The following DCTN4 variants were observed in gnomAD, a reference collection of about 807,000 sequenced individuals.
DCTN4 encodes the protein dynactin 4 (p62).
A neutral mutation model predicts 62.7 loss-of-function variants in DCTN4; 23 were observed. The ratio of observed to expected loss-of-function variants is 0.37; its 90% confidence interval spans 0.26 to 0.52. The LOEUF is 0.52. Among genes scored for constraint, DCTN4 ranks in the 20% least tolerant of loss-of-function variants. DCTN4 has a pLI of 0.92. For missense variants in DCTN4, 514 were observed against 580.4 expected, an observed-to-expected ratio of 0.89 and a Z score of 1.18; for synonymous variants, 199 against 202.1, an observed-to-expected ratio of 0.98 and a Z score of 0.13.
intron 12 of DCTN4, among the ~76,000 whole-genome samples, chr5:150,714,077 CA>C (rs1759669575): frequency 6.6e-6 from 1 of 152,096 alleles, no homozygotes; most frequent in Admixed American, 6.5e-5. Context: ...GAGATCACGC[CA>C]TTGCACTCCA....
At chr5:150,720,861 A>G (rs1759933749) in intron 9 of DCTN4, among the ~76,000 whole-genome samples, 2 of 152,236 alleles carry the variant, frequency 1.3e-5, no homozygotes, top group Non-Finnish European at 2.9e-5. Context: ...AGCTTAAGAA[A>G]TTGATGCTAA....
chr5:150,744,860 G>C (rs1561706234), intron 3 of DCTN4, among the ~76,000 whole-genome samples: 1 of 151,808 alleles, frequency 6.6e-6, no homozygotes. Context: ...AGACCATCGA[G>C]ACTAGGAAGA....
At chr5:150,713,842 C>T (rs1469626284) in intron 12 of DCTN4, among the ~76,000 whole-genome samples, 1 of 152,068 alleles carries the variant, frequency 6.6e-6, no homozygotes, top group Non-Finnish European at 1.5e-5. Flanking sequence ...ATGGGCCAGG[C>T]ATGGTGGCTC....
chr5:150,752,109 T>A (rs1305288723), intron 3 of DCTN4, among the ~76,000 whole-genome samples: 1 of 151,932 alleles, frequency 6.6e-6, no homozygotes, highest in African/African-American at 2.4e-5. Flanking sequence ...GAAAAAAAAA[T>A]ACGGAGTTAG....
At chr5:150,752,787 G>A (rs949701751) in intron 3 of DCTN4, among the ~76,000 whole-genome samples, 11 of 151,852 alleles carry the variant, frequency 7.2e-5, no homozygotes, top group African/African-American at 1.9e-4. Context: ...ACTTATAAGC[G>A]TTCCTCATTT....
rs10068444 is a variant in DCTN4 at position 150,743,992 on chromosome 5, G to A, written c.386-1835C>T. Among the ~76,000 whole-genome samples, 526 of 152,284 alleles carry A rather than the reference G, an allele frequency of 3.5e-3. 2 individuals carry two copies. Among genetic ancestry groups the A allele is most frequent in the African/African-American group, 9.0e-3 (372 of 41,552 alleles). On this transcript the variant is annotated intron_variant, in intron 3 of 12. Coordinates refer to ENST00000447998, the MANE Select transcript of DCTN4 (RefSeq NM_016221.4). The stretch of plus-strand genomic sequence containing the variant: ...AGGCTTCAGACAATCAAACTACTCC[G>A]AGCTACAGGAGGAAATTCGAACCAA...
chr5:150,722,527 T>C (rs1759990639), intron 9 of DCTN4, among the ~76,000 whole-genome samples: 3 of 152,202 alleles, frequency 2.0e-5, no homozygotes. Flanking sequence ...GTAAGTAAAA[T>C]GAACACTGTT....
At chr5:150,716,229 G>A (rs1210513115) in intron 11 of DCTN4, among the ~76,000 whole-genome samples, 1 of 152,250 alleles carries the variant, frequency 6.6e-6, no homozygotes, top group East Asian at 1.9e-4. Context: ...TTAAGGGGAT[G>A]GGGAGAAATG....
rs769937114 is a variant in DCTN4, at chr5:150,759,007, G to A, written c.-14C>T. ...CAAGGACGCCATCTTGGGGAGGGAG[G>A]AGGCGATGACGCTCCCGGCGCATCA... On this transcript the variant is annotated 5_prime_UTR_variant, in exon 1 of 13. Transcript: ENST00000447998. 4 of 1,612,770 alleles carry A rather than the reference G, an allele frequency of 2.5e-6. No homozygotes were observed. The South Asian group carries it at 3.3e-5, about 13-fold the overall frequency.
intron 3 of DCTN4, among the ~76,000 whole-genome samples, chr5:150,749,430 G>C (rs1291294693): frequency 6.6e-6 from 1 of 152,168 alleles, no homozygotes; most frequent in Non-Finnish European, 1.5e-5. Flanking sequence ...GCTAAAATGG[G>C]TAAGACTGAC....
intron 4 of DCTN4, among the ~76,000 whole-genome samples, chr5:150,735,328 C>T (rs59767212): frequency 0.13 from 20,320 of 152,256 alleles, 2,321 homozygotes; most frequent in African/African-American, 0.3. Flanking sequence ...AGTCTGTCCA[C>T]GTGACAATTC....
intron 9 of DCTN4, among the ~76,000 whole-genome samples, chr5:150,721,099 C>T (rs191568879): frequency 4.1e-4 from 62 of 152,232 alleles, no homozygotes; most frequent in African/African-American, 1.4e-3. Flanking sequence ...ATTTCAGAGA[C>T]GAGGGAAGTA....
intron 4 of DCTN4, among the ~76,000 whole-genome samples, chr5:150,738,172 C>G (rs974909702): frequency 6.6e-6 from 1 of 152,094 alleles, no homozygotes; most frequent in Non-Finnish European, 1.5e-5. Context: ...GGATTCACAG[C>G]TGATTTCTAT....
intron 3 of DCTN4, among the ~76,000 whole-genome samples, chr5:150,744,646 AAAGAC>A (rs1259339494): frequency 2.6e-5 from 4 of 151,734 alleles, no homozygotes; most frequent in African/African-American, 9.7e-5. Flanking sequence ...CAACATTCTT[AAAGAC>A]AAGAATTTTC....
intron 4 of DCTN4, among the ~76,000 whole-genome samples, chr5:150,735,478 G>A (rs1760543017): frequency 2.0e-5 from 3 of 152,164 alleles, no homozygotes; most frequent in African/African-American, 7.2e-5. Flanking sequence ...ACCTGAAGAC[G>A]GACTGCATCA....
At chr5:150,744,479 A>T (rs1194318522) in intron 3 of DCTN4, among the ~76,000 whole-genome samples, 1 of 152,192 alleles carries the variant, frequency 6.6e-6, no homozygotes, top group Non-Finnish European at 1.5e-5. Context: ...ACTCCAAGAC[A>T]CATAATTGTC....
At chr5:150,746,842 G>C (rs1440562414) in intron 3 of DCTN4, among the ~76,000 whole-genome samples, 1 of 152,150 alleles carries the variant, frequency 6.6e-6, no homozygotes, top group Non-Finnish European at 1.5e-5. Flanking sequence ...ATACTGAATG[G>C]GCAAAAACTG....
intron 1 of DCTN4, 112 bp from the exon 2 acceptor site, chr5:150,756,599 G>T: frequency 1.9e-6 from 1 of 521,476 alleles, no homozygotes; most frequent in Non-Finnish European, 3.2e-6. Flanking sequence ...GCAGAAAGTA[G>T]ACTGTTTTCT....
At chr5:150,748,425 T>A (rs948953886) in intron 3 of DCTN4, among the ~76,000 whole-genome samples, 1 of 152,142 alleles carries the variant, frequency 6.6e-6, no homozygotes, top group African/African-American at 2.4e-5. Context: ...GACCCAGCCA[T>A]CCCATTACTG....
Sources: allele counts gnomAD v4.1 joint callset (sites outside exome capture counted in the v4.1 genomes callset), GRCh38; gene constraint gnomAD v4.1.1; transcripts MANE v1.5; gene names NCBI Gene and HGNC (gene_info 2026-07-23, HGNC 2026-07-21).